The following TRANK1 variants were observed in gnomAD, a reference collection of about 807,000 sequenced individuals.
TRANK1 encodes TPR and ankyrin repeat-containing protein 1.
TRANK1 carries 198 observed loss-of-function variants against 266.0 expected under a neutral mutation model. The ratio of observed to expected loss-of-function variants is 0.74; its 90% CI spans 0.66 to 0.84. The LOEUF (loss-of-function observed/expected upper bound fraction) is 0.84, where lower values mean the gene tolerates loss of function less well. Among genes scored for constraint, TRANK1 ranks in the 40% least tolerant of loss-of-function variants. TRANK1 has a pLI of 0.00. For synonymous variants in TRANK1, 1,396 were observed against 1,384.1 expected (o/e 1.01, Z -0.19); for missense variants, 3,326 against 3,634.6 (o/e 0.92, Z 2.18).
chr3:36,867,818 ATTCCT>A (rs67068145), intron 9 of TRANK1, among the ~76,000 whole-genome samples: 5 of 152,256 alleles, frequency 3.3e-5, no homozygotes, highest in Non-Finnish European at 7.3e-5. Flanking sequence ...CTCAAATAAC[ATTCCT>A]TTCAACAGAA....
At chr3:36,853,321 C>T (rs1209516265) in intron 13 of TRANK1, among the ~76,000 whole-genome samples, 3 of 152,146 alleles carry the variant, frequency 2.0e-5, no homozygotes, top group Non-Finnish European at 1.5e-5. Context: ...AGCCAGGTGC[C>T]CTTTTCAAAC....
chr3:36,905,230 G>A (rs2079947288), intron 2 of TRANK1, among the ~76,000 whole-genome samples: 1 of 150,904 alleles, frequency 6.6e-6, no homozygotes, highest in Non-Finnish European at 1.5e-5. Context: ...GGCGGAGCTT[G>A]CAGTGAGCCG....
At chr3:36,908,988 G>A (rs1382701801) in intron 1 of TRANK1, among the ~76,000 whole-genome samples, 1 of 152,162 alleles carries the variant, frequency 6.6e-6, no homozygotes, top group Non-Finnish European at 1.5e-5. Context: ...TCAGCTGATA[G>A]TACTTCCACT....
intron 3 of TRANK1, 58 bp from the exon 4 acceptor site, chr3:36,899,317 G>A: frequency 6.7e-7 from 1 of 1,489,234 alleles, no homozygotes; most frequent in Non-Finnish European, 8.9e-7. Flanking sequence ...ACCTGCTGGT[G>A]AAAGAAAAAG....
intron 1 of TRANK1, among the ~76,000 whole-genome samples, chr3:36,914,691 G>A (rs2080101192): frequency 1.3e-5 from 2 of 152,130 alleles, no homozygotes; most frequent in South Asian, 2.1e-4. Context: ...AGGCTGGAGT[G>A]CAATGGCGCG....
At chr3:36,924,533 T>C (rs975740422) in intron 1 of TRANK1, among the ~76,000 whole-genome samples, 4 of 152,234 alleles carry the variant, frequency 2.6e-5, no homozygotes, top group African/African-American at 9.6e-5. Context: ...TTTTCTTGTG[T>C]AACACAGCAT....
At chr3:36,834,985 T>C (rs991102773) in intron 20 of TRANK1, 78 bp from the exon 21 acceptor site, 44 of 1,354,584 alleles carry the variant, frequency 3.2e-5, no homozygotes, top group Non-Finnish European at 4.0e-5. Context: ...CCACAAGTAA[T>C]AAAGAGGATA....
chr3:36,872,549 A>G (rs2079324339), intron 9 of TRANK1, among the ~76,000 whole-genome samples: 1 of 152,232 alleles, frequency 6.6e-6, no homozygotes, highest in Non-Finnish European at 1.5e-5. Context: ...ATAAGCTGCT[A>G]TAGATAAGAA....
At chr3:36,837,573 G>C (rs1005428996) in intron 20 of TRANK1, among the ~76,000 whole-genome samples, 1 of 152,214 alleles carries the variant, frequency 6.6e-6, no homozygotes, top group Non-Finnish European at 1.5e-5. Context: ...ACTACCTGTG[G>C]TAAGGGACCA....
intron 1 of TRANK1, among the ~76,000 whole-genome samples, chr3:36,917,290 A>G (rs970493872): frequency 2.0e-5 from 3 of 152,230 alleles, no homozygotes; most frequent in African/African-American, 7.2e-5. Flanking sequence ...TCGAATAGAT[A>G]AACTTAAAAC....
chr3:36,837,687 A>C (rs990894377), intron 20 of TRANK1, among the ~76,000 whole-genome samples: 1 of 152,250 alleles, frequency 6.6e-6, no homozygotes, highest in African/African-American at 2.4e-5. Context: ...ATGGCAATAA[A>C]AAAATTCTGC....
At chr3:36,885,427 A>T (rs562933262) in intron 8 of TRANK1, among the ~76,000 whole-genome samples, 19 of 152,346 alleles carry the variant, frequency 1.2e-4, no homozygotes, top group African/African-American at 4.3e-4. Context: ...AAGACTGAGG[A>T]ATGGTCACAG....
At chr3:36,869,444 G>T (rs2079274173) in intron 9 of TRANK1, among the ~76,000 whole-genome samples, 1 of 152,190 alleles carries the variant, frequency 6.6e-6, no homozygotes, top group Non-Finnish European at 1.5e-5. Context: ...TCATTCATCT[G>T]GATGTAAAAC....
Position 36,857,027 on chromosome 3 carries a change from T to C in TRANK1, c.2695A>G (p.Met899Val). 6.2e-7 allele frequency: 1 copy of C among 1,614,038 alleles called. No individual in the cohort carries two copies. The highest frequency in any genetic ancestry group is 1.1e-5 in the South Asian group (1 of 91,086). The change falls in exon 13 of 24, where the codon ATG (methionine) becomes GTG (valine). Residue 899 changes from methionine to valine, a missense_variant. Coordinates refer to ENST00000645898, the MANE Select transcript of TRANK1 (RefSeq NM_001329998.2). This position sits in a 1 kb window ranked among gnomAD's most constrained non-coding sequence, Gnocchi z 4.3. Reference protein sequence around the residue: ...FEAKLDKGARMLWELAIDFSP... With the variant: ...FEAKLDKGARVLWELAIDFSP... ...AAGTCAATGGCGAGCTCCCAGAGCA[T>C]CCGGGCTCCTTTGTCCAGCTTAGCT...
At chr3:36,942,003 C>T (rs1412767592) in intron 1 of TRANK1, among the ~76,000 whole-genome samples, 1 of 152,206 alleles carries the variant, frequency 6.6e-6, no homozygotes, top group Non-Finnish European at 1.5e-5. Context: ...GAGAGGCCCA[C>T]ACCTCAACCT....
intron 1 of TRANK1, among the ~76,000 whole-genome samples, chr3:36,937,101 A>T (rs1404062145): frequency 3.3e-5 from 5 of 152,204 alleles, no homozygotes; most frequent in Non-Finnish European, 7.4e-5. Flanking sequence ...CGTCTCAAAA[A>T]ATATATAAAT....
rs750913564 is a variant in TRANK1 at position 36,857,944 on chromosome 3, G to A, written c.1778C>T (p.Thr593Met). The change falls in exon 13 of 24, where the codon ACG becomes ATG. Residue 593 changes from threonine to methionine, a missense_variant. By Grantham distance (81) the Thr-to-Met change is moderately conservative. Coordinates refer to ENST00000645898, the MANE Select transcript of TRANK1 (RefSeq NM_001329998.2). This position sits in a 1 kb window ranked among gnomAD's most constrained non-coding sequence, Gnocchi z 4.3. ...CTTCTGGAAGAGGATGTGCATCAGC[G>A]TGTTCCCATTGCTGTCCTGGACATT... is the stretch of plus-strand genomic sequence containing the variant. ...NPNVQDSNGN[T>M]LMHILFQKGM... is the part of the protein sequence containing the mutation. The A allele has an allele frequency of 6.1e-5, 98 of 1,603,132 alleles. No homozygotes were observed. The highest frequency in any genetic ancestry group is 7.5e-5 in the Non-Finnish European group (88 of 1,179,844).
chr3:36,858,990 G>T, intron 11 of TRANK1, 96 bp from the exon 12 acceptor site: 1 of 1,342,626 alleles, frequency 7.4e-7, no homozygotes, highest in South Asian at 1.7e-5. Flanking sequence ...TGCAAGGGAA[G>T]AGCTAATGTT....
intron 15 of TRANK1, 116 bp from the exon 16 acceptor site, chr3:36,847,462 A>G (rs2078931280): frequency 1.5e-5 from 16 of 1,049,504 alleles, no homozygotes; most frequent in South Asian, 6.5e-5. Flanking sequence ...TTCAACCCCA[A>G]CTTTGAGAAA....
Sources: gnomAD v4.1 joint callset for allele counts (sites outside exome capture counted in the v4.1 genomes callset) on GRCh38, gnomAD v4.1.1 for gene constraint, Gnocchi (gnomAD v3.1) non-coding constraint, MANE v1.5 for transcripts, NCBI Gene and HGNC (gene_info 2026-07-23, HGNC 2026-07-21) for gene names.